Variants in GALNT2 observed in about 807,000 individuals in gnomAD.
GALNT2 encodes UDP-GalNAc:polypeptide N-acetylgalactosaminyltransferase 2.
GALNT2 carries 31 observed loss-of-function variants against 81.4 expected under a neutral mutation model. That is an observed-to-expected ratio of 0.38 (90% CI 0.29 to 0.51). The LOEUF is 0.51. GALNT2 is among the 20% of genes least tolerant of loss of function. The pLI is 0.87. For synonymous variants in GALNT2, 303 were observed against 287.4 expected (o/e 1.05, Z -0.55); for missense variants, 629 against 765.7 (o/e 0.82, Z 2.11).
intron 14 of GALNT2, among the ~76,000 whole-genome samples, chr1:230,272,668 C>G (rs1262246446): frequency 6.6e-6 from 1 of 152,172 alleles, no homozygotes; most frequent in African/African-American, 2.4e-5. Context: ...TGCATCCCCT[C>G]TGCTGATGCT....
intron 7 of GALNT2, among the ~76,000 whole-genome samples, chr1:230,245,264 GAAT>G (rs899051826): frequency 6.6e-6 from 1 of 152,090 alleles, no homozygotes; most frequent in African/African-American, 2.4e-5. Context: ...AGAAGTTCAA[GAAT>G]AGCCTGACCA....
intron 1 of GALNT2, among the ~76,000 whole-genome samples, chr1:230,109,200 AC>A (rs1021535836): frequency 6.6e-6 from 1 of 152,062 alleles, no homozygotes; most frequent in Non-Finnish European, 1.5e-5. Context: ...GCGGCTGCGG[AC>A]CCCCGTAGAT....
At chr1:230,204,444 C>T (rs1384437275) in intron 3 of GALNT2, among the ~76,000 whole-genome samples, 2 of 152,220 alleles carry the variant, frequency 1.3e-5, no homozygotes, top group Non-Finnish European at 2.9e-5. Flanking sequence ...GCTGGGATTA[C>T]AGGCATGCTC....
chr1:230,139,366 C>T (rs1486597900), intron 1 of GALNT2, among the ~76,000 whole-genome samples: 1 of 152,212 alleles, frequency 6.6e-6, no homozygotes, highest in Non-Finnish European at 1.5e-5. Flanking sequence ...TTATCCCTCT[C>T]GGTTCCCTGC....
At chr1:230,089,320 C>CGTGT (rs147002152) in intron 1 of GALNT2, among the ~76,000 whole-genome samples, 31 of 150,498 alleles carry the variant, frequency 2.1e-4, no homozygotes, top group Admixed American at 8.6e-4. Flanking sequence ...CTGTTTTTTG[C>CGTGT]GTGTGTGTGT....
At chr1:230,212,028 CG>C (rs368264373) in intron 3 of GALNT2, among the ~76,000 whole-genome samples, 6 of 152,110 alleles carry the variant, frequency 3.9e-5, no homozygotes, top group African/African-American at 1.4e-4. Context: ...TAGGATATCC[CG>C]GGGCCTCATA....
At chr1:230,266,717 A>ATGGGCATGGGGCAGGTAGCCAGGGCC (rs1353473345) in intron 14 of GALNT2, among the ~76,000 whole-genome samples, 2 of 152,156 alleles carry the variant, frequency 1.3e-5, no homozygotes, top group East Asian at 3.9e-4. Flanking sequence ...CCCATCCAGC[A>ATGGGCATGGGGCAGGTAGCCAGGGCC]TGGGCATGGG....
chr1:230,079,106 A>T (rs1332027638), intron 1 of GALNT2, among the ~76,000 whole-genome samples: 1 of 152,220 alleles, frequency 6.6e-6, no homozygotes, highest in East Asian at 1.9e-4. Flanking sequence ...GGAGCTGTGG[A>T]TGACTTGGGA....
chr1:230,188,996 G>A, intron 2 of GALNT2, among the ~76,000 whole-genome samples: 1 of 151,998 alleles, frequency 6.6e-6, no homozygotes, highest in South Asian at 2.1e-4. Flanking sequence ...GAGGAGCAGG[G>A]GCCAGTAGAG....
intron 1 of GALNT2, among the ~76,000 whole-genome samples, chr1:230,102,077 A>G (rs550785656): frequency 2.6e-5 from 4 of 152,324 alleles, no homozygotes; most frequent in African/African-American, 9.6e-5. Context: ...GCAAAGACAC[A>G]TCTATCAGAG....
chr1:230,237,266 G>T (rs1256470134), intron 6 of GALNT2, among the ~76,000 whole-genome samples: 4 of 152,208 alleles, frequency 2.6e-5, no homozygotes, highest in Admixed American at 6.5e-5. Flanking sequence ...TAGAAGAGAG[G>T]CTGTAAAGGA....
At chr1:230,152,782 C>T (rs549847370) in intron 1 of GALNT2, among the ~76,000 whole-genome samples, 1 of 152,198 alleles carries the variant, frequency 6.6e-6, no homozygotes, top group South Asian at 2.1e-4. Flanking sequence ...CTCTTTGAAC[C>T]GCTTGTCATT....
intron 15 of GALNT2, among the ~76,000 whole-genome samples, chr1:230,277,562 G>T (rs1666333728): frequency 6.6e-6 from 1 of 152,218 alleles, no homozygotes; most frequent in Admixed American, 6.5e-5. Context: ...AAATGAAAGA[G>T]GCAATGACAG....
intron 1 of GALNT2, among the ~76,000 whole-genome samples, chr1:230,157,608 G>GT (rs1662300424): frequency 6.6e-6 from 1 of 152,224 alleles, no homozygotes. Context: ...ACAAGCTGTG[G>GT]TTTGCGTACA....
chr1:230,197,354 C>T (rs888673035), intron 2 of GALNT2, among the ~76,000 whole-genome samples: 2 of 152,180 alleles, frequency 1.3e-5, no homozygotes, highest in Non-Finnish European at 2.9e-5. Flanking sequence ...CAGGTCTGTA[C>T]CCCTGCTCGC....
intron 15 of GALNT2, among the ~76,000 whole-genome samples, chr1:230,276,851 G>A (rs750354621): frequency 1.3e-5 from 2 of 152,128 alleles, no homozygotes; most frequent in Non-Finnish European, 2.9e-5. Flanking sequence ...TTGGCCCCTC[G>A]AGAGGAAGCT....
intron 11 of GALNT2, among the ~76,000 whole-genome samples, chr1:230,261,125 G>T (rs1665866700): frequency 6.8e-6 from 1 of 147,062 alleles, no homozygotes. Context: ...GCAGAAGTGA[G>T]CATATTTTCA....
chr1:230,213,720 C>G (rs1256964527), intron 3 of GALNT2, among the ~76,000 whole-genome samples: 2 of 152,164 alleles, frequency 1.3e-5, no homozygotes, highest in Non-Finnish European at 2.9e-5. Context: ...CCCTTGCATC[C>G]TCCTACGTTT....
chr1:230,129,564 C>T (rs981290174), intron 1 of GALNT2, among the ~76,000 whole-genome samples: 1 of 152,152 alleles, frequency 6.6e-6, no homozygotes, highest in African/African-American at 2.4e-5. Context: ...AAGTGATCTT[C>T]CCCTCTCGGC....
Sources: allele counts gnomAD v4.1 joint callset (sites outside exome capture counted in the v4.1 genomes callset), GRCh38; gene constraint gnomAD v4.1.1; transcripts MANE v1.5; gene names NCBI Gene and HGNC (gene_info 2026-07-23, HGNC 2026-07-21).